Variants in KDM6A observed in about 807,000 individuals in gnomAD.
KDM6A encodes the protein lysine-specific demethylase 6A.
A neutral mutation model predicts 117.6 loss-of-function variants in KDM6A; 11 were observed. The ratio of observed to expected loss-of-function variants is 0.09; its 90% CI spans 0.06 to 0.15. The LOEUF (loss-of-function observed/expected upper bound fraction) is 0.15, where lower values mean the gene tolerates loss of function less well. KDM6A is among the 10% of genes least tolerant of loss of function. The pLI, the probability that KDM6A is intolerant of heterozygous loss-of-function variation, is 1.00. For synonymous variants in KDM6A, 384 were observed against 396.1 expected (o/e 0.97, Z 0.36); for missense variants, 799 against 1,077.3 (o/e 0.74, Z 3.62).
At chrX:45,025,063 C>G (rs1036968043) in intron 6 of KDM6A, among the ~76,000 whole-genome samples, 3 of 112,297 alleles carry the variant, frequency 2.7e-5, no homozygotes, top group Non-Finnish European at 5.6e-5. Context: ...GAACCAGAGT[C>G]CATTTCAGGG....
At chrX:45,038,974 A>G (rs1255627402) in intron 8 of KDM6A, among the ~76,000 whole-genome samples, 7 of 110,322 alleles carry the variant, frequency 6.3e-5, no homozygotes, top group African/African-American at 2.3e-4. Flanking sequence ...AATAAGGCAT[A>G]TATGTGCCAT....
At chrX:44,970,170 GT>G (rs761418102) in intron 3 of KDM6A, among the ~76,000 whole-genome samples, 85 of 111,961 alleles carry the variant, frequency 7.6e-4, no homozygotes, top group Admixed American at 1.2e-3. Flanking sequence ...GAGTATAATT[GT>G]TTATAAAATG....
In KDM6A at chrX:44,888,000, AAAAC is replaced by A. The variant is rs201802652; in HGVS notation, c.225+14029_225+14032del. On this transcript the variant is annotated intron_variant, in intron 2 of 29. Coordinates refer to ENST00000611820, the MANE Select transcript of KDM6A (RefSeq NM_001291415.2). Reference sequence around the variant, plus strand: ...ACACAGTGAGACTCCGTCTCTTTAAAAAACAAACAAACAAACAAAAAACTGGCAG... The same window carrying A: ...ACACAGTGAGACTCCGTCTCTTTAAAAAACAAACAAACAAAAAACTGGCAG... 9.4e-3 allele frequency among the ~76,000 whole-genome samples: 1,041 copies of A among 111,161 alleles called. 39 individuals carry two copies. In the East Asian group the frequency reaches 0.14, roughly 15 times the overall value.
chrX:44,994,669 A>G (rs751581536), intron 4 of KDM6A, among the ~76,000 whole-genome samples: 5 of 111,924 alleles, frequency 4.5e-5, no homozygotes, highest in Non-Finnish European at 9.4e-5. Context: ...AGGTACTTCT[A>G]TAGAAGGGTG....
intron 2 of KDM6A, among the ~76,000 whole-genome samples, chrX:44,901,324 T>G (rs12006638): frequency 0.038 from 4,235 of 110,467 alleles, 219 homozygotes; most frequent in African/African-American, 0.13. Flanking sequence ...GAGGTTGCAG[T>G]GAGCCGAGGT....
rs763895265 is a variant in KDM6A at position 45,035,482 on chromosome X, C to T, written c.619+497C>T. 1.3e-3 allele frequency among the ~76,000 whole-genome samples: 145 copies of T among 111,139 alleles called. 1 individual carries two copies. The highest frequency in any genetic ancestry group is 4.7e-3 in the Middle Eastern group (1 of 215). On this transcript the variant is annotated intron_variant, in intron 7 of 29. Transcript: ENST00000611820. ...ATTAGAAAGGAATACATTTACGAAG[C>T]ATGTTCTAACAAAGTATTTTTTTCC... is the stretch of plus-strand genomic sequence containing the variant.
At chrX:44,995,848 C>T (rs746709204) in intron 4 of KDM6A, among the ~76,000 whole-genome samples, 6 of 111,286 alleles carry the variant, frequency 5.4e-5, no homozygotes, top group East Asian at 2.8e-4. Flanking sequence ...TTCAGCAGCA[C>T]GGGGAAGGAA....
intron 2 of KDM6A, among the ~76,000 whole-genome samples, chrX:44,913,331 G>C (rs1223467515): frequency 1.3e-5 from 1 of 76,064 alleles, no homozygotes; most frequent in African/African-American, 5.4e-5. Flanking sequence ...GAGTTTTGCT[G>C]TTTGTTGCCC....
chrX:45,009,109 G>A (rs191669585), intron 4 of KDM6A, among the ~76,000 whole-genome samples: 11 of 112,153 alleles, frequency 9.8e-5, no homozygotes, highest in African/African-American at 3.6e-4. Flanking sequence ...TGGATCTCAC[G>A]CAAGAAAGAA....
intron 3 of KDM6A, among the ~76,000 whole-genome samples, chrX:44,964,358 A>T (rs1472065364): frequency 9.5e-6 from 1 of 105,577 alleles, no homozygotes; most frequent in African/African-American, 3.5e-5. Flanking sequence ...TTGAGGAAGG[A>T]GAATCACTTG....
intron 2 of KDM6A, among the ~76,000 whole-genome samples, chrX:44,883,851 C>T (rs1252027667): frequency 9.0e-6 from 1 of 110,511 alleles, no homozygotes; most frequent in African/African-American, 3.3e-5. Context: ...TGTTGTAATC[C>T]CAGCACTTTG....
chrX:45,002,348 T>C (rs769139861), intron 4 of KDM6A, among the ~76,000 whole-genome samples: 2 of 112,039 alleles, frequency 1.8e-5, no homozygotes, highest in African/African-American at 6.5e-5. Flanking sequence ...TTTATAATTT[T>C]TGTTAAAGAG....
chrX:45,037,981 G>A (rs1305378851), intron 8 of KDM6A, among the ~76,000 whole-genome samples: 1 of 111,756 alleles, frequency 8.9e-6, no homozygotes, highest in African/African-American at 3.3e-5. Flanking sequence ...CACTGGTTTG[G>A]GAGGCCAAGG....
At chrX:44,972,866 C>T (rs2039427139) in intron 3 of KDM6A, among the ~76,000 whole-genome samples, 1 of 110,175 alleles carries the variant, frequency 9.1e-6, no homozygotes, top group African/African-American at 3.3e-5. Context: ...GAAACCCCGC[C>T]TCTACTAAAA....
At chrX:44,928,649 A>G (rs2036441285) in intron 2 of KDM6A, among the ~76,000 whole-genome samples, 1 of 111,905 alleles carries the variant, frequency 8.9e-6, no homozygotes. Context: ...GAAATTGATA[A>G]TAATAAGGAG....
Position 45,079,249 on chromosome X carries a change from C to CA in KDM6A, c.3199dup (p.Thr1067AsnfsTer10). On this transcript the variant is annotated frameshift_variant, in exon 21 of 30. Coordinates refer to ENST00000611820, the MANE Select transcript of KDM6A (RefSeq NM_001291415.2). LOFTEE classifies it high-confidence loss of function. The stretch of plus-strand genomic sequence containing the variant: ...AGCCAGCAGATGAAAACTGGGATCC[C>CA]ACTGGAACAAAGAAAATCTGGCATT... The CA allele has an allele frequency of 8.3e-7, 1 of 1,205,468 alleles. No individual in the cohort carries two copies.
chrX:44,895,353 C>T (rs1283845932), intron 2 of KDM6A, among the ~76,000 whole-genome samples: 3 of 107,042 alleles, frequency 2.8e-5, no homozygotes, highest in Admixed American at 2.0e-4. Context: ...CTCCTGACCT[C>T]GTGATCTGCC....
chrX:44,945,738 TA>T (rs1446946740), intron 2 of KDM6A, among the ~76,000 whole-genome samples: 1 of 112,268 alleles, frequency 8.9e-6, no homozygotes, highest in Admixed American at 9.5e-5. Flanking sequence ...AGTTTTCCTT[TA>T]AATTCAGATT....
chrX:44,922,767 C>T (rs1296381257), intron 2 of KDM6A, among the ~76,000 whole-genome samples: 3 of 112,623 alleles, frequency 2.7e-5, no homozygotes, highest in African/African-American at 9.7e-5. Context: ...CTGCGCCCGG[C>T]CTAATTTGAA....
Sources: gnomAD v4.1 joint callset for allele counts (sites outside exome capture counted in the v4.1 genomes callset) on GRCh38, gnomAD v4.1.1 for gene constraint, MANE v1.5 for transcripts, NCBI Gene and HGNC (gene_info 2026-07-23, HGNC 2026-07-21) for gene names.